The following ATP6V1E1 variants were observed in gnomAD, a reference collection of about 807,000 sequenced individuals.
The protein encoded by ATP6V1E1 is ATPase H+ transporting V1 subunit E1, also known as V-type proton ATPase subunit E 1.
A neutral mutation model predicts 35.2 loss-of-function variants in ATP6V1E1; 21 were observed. That is an observed-to-expected ratio of 0.60 (90% CI 0.42 to 0.86). The LOEUF (loss-of-function observed/expected upper bound fraction) is 0.86, where lower values mean the gene tolerates loss of function less well. Among genes scored for constraint, ATP6V1E1 ranks in the 40% least tolerant of loss-of-function variants. ATP6V1E1 has a pLI of 0.00. For missense variants in ATP6V1E1, 183 were observed against 272.6 expected (o/e 0.67, Z 2.32); for synonymous variants, 83 against 87.8 (o/e 0.95, Z 0.30).
In ATP6V1E1 at chr22:17,592,800, CT is replaced by C. The variant is rs150344720; in HGVS notation, c.619-65del. The C allele has an allele frequency of 0.24, 172,084 of 708,982 alleles. 3,057 individuals carry two copies. The highest frequency in any genetic ancestry group is 0.4 in the African/African-American group (18,577 of 46,952). 43.9% of individuals were successfully genotyped at this position (708,982 alleles called of 1,614,324 possible). ...GAAGAAGTTGTAGAGCGCTGCACAT[CT>C]TTTTTTTTTTTTTTTTTTTGAGACG... On this transcript the variant is annotated intron_variant, in intron 8 of 8. Transcript: ENST00000253413.
intron 4 of ATP6V1E1, among the ~76,000 whole-genome samples, chr22:17,604,938 G>A (rs12171096): frequency 0.35 from 52,498 of 151,590 alleles, 9,366 homozygotes; most frequent in African/African-American, 0.4. Flanking sequence ...AAACTTGGCT[G>A]GGTGCGGTTG....
chr22:17,594,672 T>A (rs1200661614), intron 7 of ATP6V1E1, 56 bp from the exon 8 acceptor site: 1 of 1,406,938 alleles, frequency 7.1e-7, no homozygotes, highest in African/African-American at 1.4e-5. Flanking sequence ...GAAAGATACA[T>A]GGTACCCTTT....
chr22:17,626,255 C>T (rs1035907778), intron 1 of ATP6V1E1, among the ~76,000 whole-genome samples: 4 of 132,036 alleles, frequency 3.0e-5, no homozygotes, highest in South Asian at 2.3e-4. Context: ...TTGCAGTGAG[C>T]GGAGACCATG....
At chr22:17,595,588 G>A (rs1446953619) in intron 7 of ATP6V1E1, among the ~76,000 whole-genome samples, 1 of 152,158 alleles carries the variant, frequency 6.6e-6, no homozygotes, top group Non-Finnish European at 1.5e-5. Flanking sequence ...CCAGCACTTT[G>A]GGAGGCCGAG....
At chr22:17,597,243 TAAA>T (rs113528640) in intron 7 of ATP6V1E1, among the ~76,000 whole-genome samples, 3 of 140,044 alleles carry the variant, frequency 2.1e-5, no homozygotes, top group East Asian at 2.1e-4. Flanking sequence ...CTGCCTGTCT[TAAA>T]AAAAAAAAAA....
intron 4 of ATP6V1E1, among the ~76,000 whole-genome samples, chr22:17,601,883 A>G (rs547278096): frequency 3.2e-4 from 49 of 151,154 alleles, no homozygotes; most frequent in Non-Finnish European, 8.8e-5. Flanking sequence ...CTGGGATTAC[A>G]GGCATGAGCC....
chr22:17,603,241 T>C (rs2057770270), intron 4 of ATP6V1E1, among the ~76,000 whole-genome samples: 1 of 152,116 alleles, frequency 6.6e-6, no homozygotes, highest in Non-Finnish European at 1.5e-5. Flanking sequence ...TGAGCCACCA[T>C]GCCCAGACTT....
chr22:17,620,252 A>G (rs2057868969), intron 1 of ATP6V1E1, among the ~76,000 whole-genome samples: 1 of 149,454 alleles, frequency 6.7e-6, no homozygotes, highest in Non-Finnish European at 1.5e-5. Flanking sequence ...GGTTCAGGCC[A>G]TTCTCCTGCC....
intron 4 of ATP6V1E1, among the ~76,000 whole-genome samples, chr22:17,607,006 A>G (rs1446316688): frequency 3.3e-5 from 5 of 151,922 alleles, no homozygotes; most frequent in Non-Finnish European, 5.9e-5. Flanking sequence ...CTAATTCTCC[A>G]TCCAAAACCA....
At chr22:17,593,624 A>G (rs949524273) in intron 8 of ATP6V1E1, among the ~76,000 whole-genome samples, 14 of 152,242 alleles carry the variant, frequency 9.2e-5, no homozygotes, top group African/African-American at 3.4e-4. Flanking sequence ...TGGATGGGAC[A>G]GTGGCTACTA....
intron 4 of ATP6V1E1, among the ~76,000 whole-genome samples, chr22:17,608,904 G>T (rs2057799345): frequency 1.3e-5 from 2 of 152,060 alleles, no homozygotes. Context: ...GGCTAACACG[G>T]TGAAACCCTG....
intron 8 of ATP6V1E1, among the ~76,000 whole-genome samples, chr22:17,593,973 C>T (rs1043665774): frequency 5.9e-5 from 9 of 152,122 alleles, no homozygotes; most frequent in Admixed American, 1.3e-4. Context: ...GAGGCCAAGG[C>T]GGGTGGATCA....
chr22:17,607,240 A>G (rs9605331), intron 4 of ATP6V1E1, among the ~76,000 whole-genome samples: 52,756 of 151,596 alleles, frequency 0.35, 9,501 homozygotes, highest in African/African-American at 0.41. Context: ...TCACTGCAAC[A>G]TCTGACTCCC....
chr22:17,603,156 G>T (rs575239552), intron 4 of ATP6V1E1, among the ~76,000 whole-genome samples: 1 of 152,102 alleles, frequency 6.6e-6, no homozygotes, highest in East Asian at 1.9e-4. Context: ...CACCATGTTG[G>T]CCGGGCTGGT....
chr22:17,601,152 G>A lies in ATP6V1E1; in HGVS notation c.306C>T (p.Leu102=). The change falls in exon 5 of 9, where the codon CTC becomes CTT. Residue 102 remains leucine, a synonymous_variant. Transcript: ENST00000253413. ...TGGTTGTATCTTTTACCACCTTGCT[G>A]AGTCTCTGTTTTGCTTCATTTAGTA... ...TDLLNEAKQR[L]SKVVKDTTRY... is the part of the protein sequence containing the mutation. The A allele has an allele frequency of 6.2e-7, 1 of 1,613,760 alleles. No individual in the cohort carries two copies. Among genetic ancestry groups the A allele is most frequent in the Non-Finnish European group, 8.5e-7 (1 of 1,179,766 alleles).
chr22:17,623,718 A>G (rs1460159547), intron 1 of ATP6V1E1, among the ~76,000 whole-genome samples: 1 of 152,040 alleles, frequency 6.6e-6, no homozygotes, highest in East Asian at 1.9e-4. Flanking sequence ...TATAAATGCT[A>G]CAAGTTTGGC....
chr22:17,619,408 C>A, intron 2 of ATP6V1E1, 53 bp downstream of exon 2: 1 of 1,495,732 alleles, frequency 6.7e-7, no homozygotes, highest in Non-Finnish European at 9.2e-7. Context: ...TTTAGCAAAG[C>A]AAAACAATAT....
chr22:17,623,176 A>G (rs1601397801), intron 1 of ATP6V1E1, among the ~76,000 whole-genome samples: 2 of 152,276 alleles, frequency 1.3e-5, no homozygotes, highest in Admixed American at 1.3e-4. Context: ...AGTTATGATG[A>G]TCAAACCTAT....
intron 4 of ATP6V1E1, among the ~76,000 whole-genome samples, chr22:17,602,839 A>C (rs1047770745): frequency 6.6e-6 from 1 of 152,242 alleles, no homozygotes; most frequent in African/African-American, 2.4e-5. Flanking sequence ...AATGCCATTC[A>C]TTGGTCAATG....
Sources: gnomAD v4.1 joint callset for allele counts (sites outside exome capture counted in the v4.1 genomes callset) on GRCh38, gnomAD v4.1.1 for gene constraint, MANE v1.5 for transcripts, NCBI Gene and HGNC (gene_info 2026-07-23, HGNC 2026-07-21) for gene names.